Variants in UBA6 observed in about 807,000 individuals in gnomAD.
UBA6 encodes ubiquitin like modifier activating enzyme 6, also known as ubiquitin-like modifier-activating enzyme 6.
A neutral mutation model predicts 148.3 loss-of-function variants in UBA6; 87 were observed. The observed-to-expected ratio is 0.59, with a 90% CI of 0.49 to 0.70. UBA6 has a LOEUF of 0.70. Among genes scored for constraint, UBA6 ranks in the 30% least tolerant of loss-of-function variants. The pLI is 0.00. For missense variants in UBA6, 1,186 were observed against 1,241.2 expected (o/e 0.96, Z 0.67); for synonymous variants, 376 against 401.0 (o/e 0.94, Z 0.75).
At chr4:67,665,069 A>C (rs1237639983) in intron 10 of UBA6, 120 bp downstream of exon 10, 14 of 575,870 alleles carry the variant, frequency 2.4e-5, no homozygotes, top group Non-Finnish European at 3.6e-5. Flanking sequence ...CAAAAAAATA[A>C]AAATAAAAAC....
chr4:67,638,043 G>C, intron 19 of UBA6: 1 of 152,228 alleles, frequency 6.6e-6, no homozygotes, highest in East Asian at 1.9e-4. Flanking sequence ...GTAGATTAGA[G>C]ATCAGGAATG....
In UBA6 at chr4:67,676,237, T is replaced by G. The variant is rs559395484; in HGVS notation, c.465+1374A>C. Among the ~76,000 whole-genome samples the G allele has an allele frequency of 4.6e-5, 7 of 152,252 alleles. No homozygotes were observed. The East Asian group carries it at 1.4e-3, about 29-fold the overall frequency. ...CAGGGTTTCTCCATGTTGGTCAGGCTGGTCTCGAACTCCTGACCTTAGGTG... is the reference window on the plus strand; with the variant it reads ...CAGGGTTTCTCCATGTTGGTCAGGCGGGTCTCGAACTCCTGACCTTAGGTG... On this transcript the variant is annotated intron_variant, in intron 6 of 32. Coordinates refer to ENST00000322244, the MANE Select transcript of UBA6 (RefSeq NM_018227.6).
At position 67,673,769 on chromosome 4, in the gene UBA6, T is replaced by C. The variant is rs1245745286; in HGVS notation, c.474A>G (p.Val158=). 2 of 1,606,916 alleles carry C rather than the reference T, an allele frequency of 1.2e-6. No individual in the cohort carries two copies. Among genetic ancestry groups the C allele is most frequent in the Non-Finnish European group, 1.7e-6 (2 of 1,175,222 alleles). Residue 158 remains valine (V), a synonymous_variant, in exon 7 of 33, where the codon GTA becomes GTG. Transcript: ENST00000322244. ...GCAATGGAAGTTTCATCTCAGTCAA[T>C]ACTACACACTGTTGAGAAAACAACA... The part of the protein sequence containing the change: ...LSFLDKYQCV[V]LTEMKLPLQK...
intron 16 of UBA6, among the ~76,000 whole-genome samples, chr4:67,645,708 T>C (rs1729407732): frequency 6.6e-6 from 1 of 152,172 alleles, no homozygotes; most frequent in Non-Finnish European, 1.5e-5. Context: ...ATTTTTGAAA[T>C]TATCATACTC....
chr4:67,681,491 C>A, intron 4 of UBA6, 72 bp downstream of exon 4: 5 of 985,564 alleles, frequency 5.1e-6, no homozygotes, highest in East Asian at 2.7e-5. Context: ...AAAGTATAAA[C>A]AATATTACCA....
At chr4:67,664,104 G>C (rs1205273674) in intron 10 of UBA6, among the ~76,000 whole-genome samples, 157 bp from the exon 11 acceptor site, 3 of 151,752 alleles carry the variant, frequency 2.0e-5, no homozygotes, top group African/African-American at 7.3e-5. Context: ...ATATAAACTA[G>C]CTACCATTAT....
At chr4:67,665,410 A>T in intron 9 of UBA6, 118 bp from the exon 10 acceptor site, 12 of 543,056 alleles carry the variant, frequency 2.2e-5, no homozygotes, top group East Asian at 1.2e-4. Flanking sequence ...ATTCCAGCAT[A>T]GTGTTTTTTT....
chr4:67,679,652 G>A (rs1468827506), intron 4 of UBA6, among the ~76,000 whole-genome samples: 1 of 151,908 alleles, frequency 6.6e-6, no homozygotes, highest in African/African-American at 2.4e-5. Context: ...AGAATATATA[G>A]CATATATAGG....
chr4:67,676,696 A>G (rs1730288854), intron 6 of UBA6, among the ~76,000 whole-genome samples: 2 of 152,184 alleles, frequency 1.3e-5, no homozygotes, highest in South Asian at 4.1e-4. Context: ...ACCTACAGAT[A>G]ACAGTTCACT....
chr4:67,631,824 T>A (rs1729004352), intron 24 of UBA6, 33 bp downstream of exon 24: 1 of 1,610,264 alleles, frequency 6.2e-7, no homozygotes, highest in Non-Finnish European at 8.5e-7. Flanking sequence ...GTAATAAATG[T>A]CATTAAAATT....
Position 67,625,101 on chromosome 4 carries a change from G to A in UBA6, c.2605C>T (p.Arg869Cys), listed in dbSNP as rs773103088. Residue 869 changes from arginine to cysteine, a missense_variant, in exon 29 of 33, where the codon CGT (arginine) becomes TGT (cysteine). By Grantham distance (180) the Arg-to-Cys change is radical (BLOSUM62 -3). Coordinates refer to ENST00000322244, the MANE Select transcript of UBA6 (RefSeq NM_018227.6). ...IDFITAASNL[R>C]AKMYSIEPAD... Reference sequence around the variant, plus strand: ...GGTTCAATGCTGTACATTTTGGCACGAAGATTTGATGCAGCTGTGATGAAA... The same window carrying A: ...GGTTCAATGCTGTACATTTTGGCACAAAGATTTGATGCAGCTGTGATGAAA... The A allele has an allele frequency of 6.2e-7, 1 of 1,613,396 alleles. No homozygotes were observed. The highest frequency in any genetic ancestry group is 8.5e-7 in the Non-Finnish European group (1 of 1,179,518).
intron 13 of UBA6, among the ~76,000 whole-genome samples, chr4:67,654,838 G>A (rs1384207727): frequency 7.0e-6 from 1 of 143,178 alleles, no homozygotes; most frequent in Non-Finnish European, 1.5e-5. Context: ...AGGGATGGAG[G>A]AAGATCTACC....
At chr4:67,620,139 CA>C (rs1053092553) in intron 32 of UBA6, among the ~76,000 whole-genome samples, 6 of 150,186 alleles carry the variant, frequency 4.0e-5, no homozygotes, top group African/African-American at 9.8e-5. Flanking sequence ...TGAGTCATTC[CA>C]AAAAAAAAGT....
At chr4:67,675,789 A>G (rs1730265047) in intron 6 of UBA6, among the ~76,000 whole-genome samples, 1 of 151,988 alleles carries the variant, frequency 6.6e-6, no homozygotes, top group Non-Finnish European at 1.5e-5. Flanking sequence ...AAGGAAAAGA[A>G]GAGAAAGAAA....
intron 4 of UBA6, among the ~76,000 whole-genome samples, chr4:67,678,938 A>C (rs1292830144): frequency 1.3e-5 from 2 of 152,202 alleles, no homozygotes; most frequent in Non-Finnish European, 2.9e-5. Context: ...GGAGAAATAC[A>C]AAAAGCTATA....
intron 13 of UBA6, among the ~76,000 whole-genome samples, chr4:67,660,261 T>A (rs1329733303): frequency 6.6e-6 from 1 of 152,240 alleles, no homozygotes; most frequent in Admixed American, 6.5e-5. Flanking sequence ...AGCCAAATGT[T>A]AATTGCCAAG....
intron 17 of UBA6, among the ~76,000 whole-genome samples, chr4:67,641,836 C>T (rs1729315204): frequency 6.6e-6 from 1 of 152,094 alleles, no homozygotes; most frequent in African/African-American, 2.4e-5. Context: ...TATTTGCAAT[C>T]GTGTCCTTTA....
intron 29 of UBA6, 118 bp downstream of exon 29, chr4:67,624,876 G>A (rs759676392): frequency 5.3e-6 from 4 of 748,882 alleles, no homozygotes; most frequent in African/African-American, 1.8e-5. Context: ...TAAATTATGA[G>A]ATCCAATATT....
intron 18 of UBA6, among the ~76,000 whole-genome samples, chr4:67,640,182 A>G (rs1171448397): frequency 6.6e-6 from 1 of 152,226 alleles, no homozygotes; most frequent in Non-Finnish European, 1.5e-5. Flanking sequence ...TAGTGTTCTA[A>G]GTGTACAAAC....
Sources: gnomAD v4.1 joint callset for allele counts (sites outside exome capture counted in the v4.1 genomes callset) on GRCh38, gnomAD v4.1.1 for gene constraint, MANE v1.5 for transcripts, NCBI Gene and HGNC (gene_info 2026-07-23, HGNC 2026-07-21) for gene names.